TP73: variants seen among roughly 807,000 people sequenced by gnomAD.
TP73 encodes p53-like transcription factor.
In TP73, 25 loss-of-function variants were observed where a neutral mutation model predicts 62.5. That is an observed-to-expected ratio of 0.40 (90% CI 0.29 to 0.56). The LOEUF is 0.56. Among genes scored for constraint, TP73 ranks in the 20% least tolerant of loss-of-function variants. The pLI is 0.46. For synonymous variants in TP73, 423 were observed against 377.5 expected (o/e 1.12, Z -1.40); for missense variants, 754 against 913.3 (o/e 0.83, Z 2.25).
intron 4 of TP73, among the ~76,000 whole-genome samples, chr1:3,719,863 G>T (rs1468446865): frequency 3.3e-5 from 5 of 150,180 alleles, no homozygotes; most frequent in African/African-American, 7.4e-5. Flanking sequence ...GCTCTGCAAG[G>T]CTGTTTCTGC....
chr1:3,690,071 T>A (rs1462018842), intron 3 of TP73, among the ~76,000 whole-genome samples: 1 of 152,178 alleles, frequency 6.6e-6, no homozygotes, highest in East Asian at 1.9e-4. Context: ...CGGGCTGTTC[T>A]TTGGCAACAG....
intron 4 of TP73, among the ~76,000 whole-genome samples, chr1:3,716,037 A>G (rs1013415756): frequency 6.6e-6 from 1 of 152,122 alleles, no homozygotes; most frequent in Non-Finnish European, 1.5e-5. Context: ...GACATGGCTC[A>G]AGGTCGTGGT....
chr1:3,706,825 C>T (rs1395104914), intron 3 of TP73, among the ~76,000 whole-genome samples: 2 of 152,060 alleles, frequency 1.3e-5, no homozygotes, highest in African/African-American at 4.8e-5. Context: ...GTGGTCCTGG[C>T]GGGGGAGCTG....
chr1:3,733,799 AGCCTGGCCACAGTC>A lies in TP73; in HGVS notation c.*725_*738del. On this transcript the variant is annotated 3_prime_UTR_variant, in exon 14 of 14. Transcript: ENST00000378295. ...GGTACCGCCTCAGCCAGTGCCCCTC[AGCCTGGCCACAGTC>A]GCCTCTCCTCGGGGACCCCTCAGCA... The A allele has an allele frequency of 6.6e-6, 1 of 152,338 alleles. No homozygotes were observed. Among genetic ancestry groups the A allele is most frequent in the Middle Eastern group, 3.4e-3 (1 of 294 alleles). 9.4% of individuals were successfully genotyped at this position (152,338 alleles called of 1,614,324 possible).
chr1:3,683,465 C>A (rs964042736), intron 3 of TP73, among the ~76,000 whole-genome samples: 2 of 152,040 alleles, frequency 1.3e-5, no homozygotes, highest in Non-Finnish European at 2.9e-5. Context: ...ACAGCTAGAT[C>A]CAGATGTAGG....
In TP73 at chr1:3,734,894, C is replaced by G. The variant is rs1412912083; in HGVS notation, c.*1815C>G. On this transcript the variant is annotated 3_prime_UTR_variant, in exon 14 of 14. Coordinates refer to ENST00000378295, the MANE Select transcript of TP73 (RefSeq NM_005427.4). The surrounding 1 kb of genome is among the most constrained non-coding windows in gnomAD (Gnocchi z 4.4). ...CAGGGCGAGGGCCTGGCCCTTCCTT[C>G]CAGCTCCTTCCGGCTCCTTCCAGCT... The G allele has an allele frequency of 6.6e-6, 1 of 152,306 alleles. No individual in the cohort carries two copies. Among genetic ancestry groups the G allele is most frequent in the African/African-American group, 2.4e-5 (1 of 41,434 alleles). 9.4% of individuals were successfully genotyped at this position (152,306 alleles called of 1,614,324 possible). A position where few individuals can be genotyped will look rare whatever the true frequency, so the allele number is the denominator to read the frequency against.
intron 3 of TP73, among the ~76,000 whole-genome samples, chr1:3,693,225 T>C (rs1420356710): frequency 6.6e-6 from 1 of 152,164 alleles, no homozygotes; most frequent in African/African-American, 2.4e-5. Context: ...CATGACCTCA[T>C]CTTACTGCAG....
chr1:3,653,236 G>C (rs181340109), intron 1 of TP73, among the ~76,000 whole-genome samples: 4 of 152,364 alleles, frequency 2.6e-5, no homozygotes, highest in African/African-American at 9.6e-5. Flanking sequence ...GTGGCTCTGA[G>C]TTTGTCTGTC....
At chr1:3,719,367 G>A (rs780111835) in intron 4 of TP73, among the ~76,000 whole-genome samples, 5 of 152,212 alleles carry the variant, frequency 3.3e-5, no homozygotes, top group Admixed American at 6.5e-5. Flanking sequence ...CCCTGGCCTC[G>A]GAGAAGCCTG....
chr1:3,654,315 G>A (rs182530247), intron 1 of TP73, among the ~76,000 whole-genome samples: 1 of 152,316 alleles, frequency 6.6e-6, no homozygotes, highest in African/African-American at 2.4e-5. Context: ...ACCAGAGAAT[G>A]GCTCGGGATG....
chr1:3,699,802 A>G lies in TP73; in HGVS notation c.187-7747A>G, dbSNP rs1639001690. On this transcript the variant is annotated intron_variant, in intron 3 of 13. Transcript: ENST00000378295. This position sits in a 1 kb window ranked among gnomAD's most constrained non-coding sequence, Gnocchi z 4.1. ...GCGGAGGTGGAGCTGGGGAGGGGCC[A>G]GCGGGGCGTCAGGATTTCAGCTGAC... is the stretch of plus-strand genomic sequence containing the variant. Among the ~76,000 whole-genome samples, 1 of 152,176 alleles carries G rather than the reference A, an allele frequency of 6.6e-6. No individual in the cohort carries two copies. Among genetic ancestry groups the G allele is most frequent in the South Asian group, 2.1e-4 (1 of 4,834 alleles).
At chr1:3,677,169 C>T (rs1645393127) in intron 1 of TP73, among the ~76,000 whole-genome samples, 2 of 152,108 alleles carry the variant, frequency 1.3e-5, no homozygotes, top group African/African-American at 4.8e-5. Flanking sequence ...GCTGTGGGGG[C>T]CTAATTGCTG....
chr1:3,686,747 G>T (rs1645666755), intron 3 of TP73, among the ~76,000 whole-genome samples: 1 of 152,220 alleles, frequency 6.6e-6, no homozygotes, highest in Admixed American at 6.5e-5. Flanking sequence ...GCAGGCCGAG[G>T]TGGGTGTGGC....
At chr1:3,727,813 AG>A in intron 8 of TP73, 43 bp downstream of exon 8, 1 of 1,485,734 alleles carries the variant, frequency 6.7e-7, no homozygotes, top group Non-Finnish European at 8.9e-7. Context: ...TGGGAGGAGA[AG>A]GGGACACATT....
At chr1:3,677,665 T>A (rs944165646) in intron 1 of TP73, among the ~76,000 whole-genome samples, 10 of 149,718 alleles carry the variant, frequency 6.7e-5, no homozygotes, top group Non-Finnish European at 1.0e-4. Flanking sequence ...AACTGAGAAC[T>A]CATTTATTTC....
intron 4 of TP73, 43 bp downstream of exon 4, chr1:3,707,834 G>A (rs569216343): frequency 3.2e-5 from 50 of 1,586,924 alleles, no homozygotes; most frequent in African/African-American, 9.4e-5. Context: ...TGCGGGCTGC[G>A]GGCTGGAGAG....
At chr1:3,726,771 T>C (rs1467992914) in intron 6 of TP73, among the ~76,000 whole-genome samples, 2 of 139,074 alleles carry the variant, frequency 1.4e-5, no homozygotes, top group Admixed American at 1.4e-4. Context: ...GGATATTGAA[T>C]GGATGGGTAG....
rs1020701619 is a variant in TP73 at position 3,663,436 on chromosome 1, C to G, written c.-34+10795C>G. Reference sequence around the variant, plus strand: ...GAGCGTGATGAAAGGATACAGGCGGCTGGGCGTGGTGGCTCACGCCTGTAA... The same window carrying G: ...GAGCGTGATGAAAGGATACAGGCGGGTGGGCGTGGTGGCTCACGCCTGTAA... On this transcript the variant is annotated intron_variant, in intron 1 of 13. Transcript: ENST00000378295. The surrounding 1 kb of genome is among the most constrained non-coding windows in gnomAD (Gnocchi z 4.7). 6.6e-6 allele frequency among the ~76,000 whole-genome samples: 1 copy of G among 152,148 alleles called. No homozygotes were observed. Among genetic ancestry groups the G allele is most frequent in the Non-Finnish European group, 1.5e-5 (1 of 68,014 alleles).
chr1:3,686,309 G>A (rs926402539), intron 3 of TP73, among the ~76,000 whole-genome samples: 3 of 152,238 alleles, frequency 2.0e-5, no homozygotes, highest in Non-Finnish European at 4.4e-5. Context: ...CAGGGTGTCT[G>A]AGGGATGCCT....
Sources: gnomAD v4.1 joint callset for allele counts (sites outside exome capture counted in the v4.1 genomes callset) on GRCh38, gnomAD v4.1.1 for gene constraint, Gnocchi (gnomAD v3.1) non-coding constraint, MANE v1.5 for transcripts, NCBI Gene and HGNC (gene_info 2026-07-23, HGNC 2026-07-21) for gene names.